CSMD3: variants seen among roughly 807,000 people sequenced by gnomAD.
CSMD3 encodes the protein CUB and sushi domain-containing protein 3.
CSMD3 carries 177 observed loss-of-function variants against 435.2 expected under a neutral mutation model. The observed-to-expected ratio is 0.41, with a 90% CI of 0.36 to 0.46. The LOEUF (loss-of-function observed/expected upper bound fraction) is 0.46, where lower values mean the gene tolerates loss of function less well. Ranked by LOEUF, CSMD3 falls within the 20% of genes least tolerant of loss-of-function variation. The pLI is 0.34. For missense variants in CSMD3, 4,265 were observed against 4,504.6 expected, an observed-to-expected ratio of 0.95 and a Z score of 1.52; for synonymous variants, 1,656 against 1,520.5, an observed-to-expected ratio of 1.09 and a Z score of -2.07.
At chr8:112,260,348 G>A (rs1018422084) in intron 61 of CSMD3, among the ~76,000 whole-genome samples, 2 of 152,016 alleles carry the variant, frequency 1.3e-5, no homozygotes, top group African/African-American at 4.8e-5. Context: ...CTGTGCCCTT[G>A]CAATTTGATT....
chr8:112,903,890 G>T (rs971750413), intron 10 of CSMD3, among the ~76,000 whole-genome samples: 1 of 151,194 alleles, frequency 6.6e-6, no homozygotes, highest in Non-Finnish European at 1.5e-5. Context: ...TTTCTAGTTG[G>T]ATGTACAAAT....
intron 1 of CSMD3, among the ~76,000 whole-genome samples, chr8:113,383,282 C>T (rs1353467815): frequency 2.0e-5 from 3 of 152,076 alleles, no homozygotes; most frequent in African/African-American, 7.2e-5. Flanking sequence ...GAGGATTAAG[C>T]AAGGTAGTTA....
At position 112,547,615 on chromosome 8, in the gene CSMD3, T is replaced by C. The variant is rs150739031; in HGVS notation, c.4564+3056A>G. Among the ~76,000 whole-genome samples the C allele has an allele frequency of 4.1e-3, 628 of 152,232 alleles. 4 individuals are homozygous for C. The highest frequency in any genetic ancestry group is 3.8e-3 in the Admixed American group (58 of 15,270). On this transcript the variant is annotated intron_variant, in intron 27 of 70. Transcript: ENST00000297405. ...TTGCTACGCCTTTTATACTGGTCTT[T>C]ATTTGGGGAAAAAGAAATACAACTA...
At chr8:112,603,765 C>T (rs1832568593) in intron 22 of CSMD3, among the ~76,000 whole-genome samples, 1 of 151,954 alleles carries the variant, frequency 6.6e-6, no homozygotes. Flanking sequence ...TCACAAATCT[C>T]CAAAAAGTTT....
At chr8:113,323,089 C>G (rs540225666) in intron 1 of CSMD3, among the ~76,000 whole-genome samples, 12 of 152,268 alleles carry the variant, frequency 7.9e-5, no homozygotes, top group Admixed American at 7.8e-4. Context: ...GTGCTTTTGA[C>G]CATCTTACCC....
intron 2 of CSMD3, among the ~76,000 whole-genome samples, chr8:113,300,711 T>A (rs936533620): frequency 1.3e-5 from 2 of 152,106 alleles, no homozygotes; most frequent in South Asian, 4.1e-4. Context: ...GGTGGGAATA[T>A]AGGCTGAAAA....
intron 65 of CSMD3, 57 bp from the exon 66 acceptor site, chr8:112,241,842 G>GCACACA (rs5894076): frequency 0.065 from 38,350 of 591,048 alleles, 838 homozygotes; most frequent in East Asian, 0.17. Context: ...ACATACACAT[G>GCACACA]CGCACACACA....
At chr8:112,596,715 C>T (rs1831757664) in intron 22 of CSMD3, among the ~76,000 whole-genome samples, 1 of 152,046 alleles carries the variant, frequency 6.6e-6, no homozygotes, top group African/African-American at 2.4e-5. Context: ...AAGAATCTCA[C>T]TCAAAACCGC....
intron 31 of CSMD3, 112 bp from the exon 32 acceptor site, chr8:112,472,819 AT>A: frequency 1.5e-6 from 1 of 676,982 alleles, no homozygotes; most frequent in Non-Finnish European, 2.7e-6. Flanking sequence ...AAGGTGTATA[AT>A]TTATTTGCAT....
intron 7 of CSMD3, among the ~76,000 whole-genome samples, chr8:112,961,046 A>G (rs114499145): frequency 6.6e-6 from 1 of 151,796 alleles, no homozygotes; most frequent in Non-Finnish European, 1.5e-5. Flanking sequence ...AAGAAAATAT[A>G]TAATCACAAT....
intron 1 of CSMD3, among the ~76,000 whole-genome samples, chr8:113,414,283 T>C (rs1304210219): frequency 6.6e-6 from 1 of 152,210 alleles, no homozygotes; most frequent in Non-Finnish European, 1.5e-5. Context: ...CAAATATTCT[T>C]TCTGTTAAAT....
intron 32 of CSMD3, among the ~76,000 whole-genome samples, chr8:112,444,858 T>G (rs1815422117): frequency 6.6e-6 from 1 of 152,326 alleles, no homozygotes; most frequent in Non-Finnish European, 1.5e-5. Context: ...TGTATTTCAT[T>G]ACATGTAAAT....
intron 3 of CSMD3, among the ~76,000 whole-genome samples, chr8:113,261,133 A>G (rs779022692): frequency 2.0e-5 from 3 of 152,264 alleles, no homozygotes; most frequent in Non-Finnish European, 2.9e-5. Context: ...TTCTTGATAA[A>G]AGTATGAAGT....
At chr8:112,692,117 T>C (rs1419979683) in intron 13 of CSMD3, among the ~76,000 whole-genome samples, 3 of 152,130 alleles carry the variant, frequency 2.0e-5, no homozygotes, top group African/African-American at 7.2e-5. Context: ...CTATTGTTTT[T>C]ATTTTAATTT....
At chr8:112,286,919 A>T in intron 58 of CSMD3, 145 bp downstream of exon 58, 1 of 713,744 alleles carries the variant, frequency 1.4e-6, no homozygotes, top group Non-Finnish European at 2.5e-6. Context: ...AGATGGTTAC[A>T]GTATAATGGG....
At chr8:112,739,554 A>G in intron 13 of CSMD3, among the ~76,000 whole-genome samples, 1 of 151,728 alleles carries the variant, frequency 6.6e-6, no homozygotes, top group East Asian at 1.9e-4. Flanking sequence ...GACTAACTAT[A>G]CTAAAACCTA....
intron 6 of CSMD3, among the ~76,000 whole-genome samples, chr8:113,004,889 A>G (rs1368090709): frequency 6.6e-6 from 1 of 151,852 alleles, no homozygotes; most frequent in Non-Finnish European, 1.5e-5. Context: ...AAATAATGGT[A>G]TCACCTAATT....
chr8:112,842,342 G>A (rs1327749410), intron 11 of CSMD3, among the ~76,000 whole-genome samples: 1 of 151,814 alleles, frequency 6.6e-6, no homozygotes, highest in African/African-American at 2.4e-5. Flanking sequence ...ATGGTTTCCG[G>A]TGACTAATAT....
intron 1 of CSMD3, among the ~76,000 whole-genome samples, chr8:113,380,019 T>C (rs2094408282): frequency 6.6e-6 from 1 of 152,276 alleles, no homozygotes; most frequent in East Asian, 1.9e-4. Context: ...TTTAATTCAC[T>C]TCCCACCTCA....
Sources: gnomAD v4.1 joint callset for allele counts (sites outside exome capture counted in the v4.1 genomes callset) on GRCh38, gnomAD v4.1.1 for gene constraint, MANE v1.5 for transcripts, NCBI Gene and HGNC (gene_info 2026-07-23, HGNC 2026-07-21) for gene names.